The following TSHZ2 variants were observed in gnomAD, a reference collection of about 807,000 sequenced individuals.
TSHZ2 encodes the protein teashirt homolog 2.
TSHZ2 carries 21 observed loss-of-function variants against 74.4 expected under a neutral mutation model. The observed-to-expected ratio is 0.28, with a 90% confidence interval of 0.20 to 0.41. The LOEUF (loss-of-function observed/expected upper bound fraction) is 0.41, where lower values mean the gene tolerates loss of function less well. Among genes scored for constraint, TSHZ2 ranks in the 10% least tolerant of loss-of-function variants. TSHZ2 has a pLI of 1.00. For synonymous variants in TSHZ2, 540 were observed against 515.3 expected (o/e 1.05, Z -0.65); for missense variants, 1,244 against 1,293.5 (o/e 0.96, Z 0.59).
At chr20:53,149,738 A>G (rs1315390048) in intron 1 of TSHZ2, among the ~76,000 whole-genome samples, 1 of 152,182 alleles carries the variant, frequency 6.6e-6, no homozygotes, top group Non-Finnish European at 1.5e-5. Flanking sequence ...GAGGCAGGAA[A>G]ACCTATTTGA....
chr20:53,298,870 G>A (rs886438993), intron 2 of TSHZ2, among the ~76,000 whole-genome samples: 3 of 152,176 alleles, frequency 2.0e-5, no homozygotes, highest in Admixed American at 2.0e-4. Context: ...CCTGATAACT[G>A]TGCAAAACTT....
At position 53,173,238 on chromosome 20, in the gene TSHZ2, T is replaced by C. The variant is rs949836278; in HGVS notation, c.41-80261T>C. Among the ~76,000 whole-genome samples, 6 of 152,318 alleles carry C rather than the reference T, an allele frequency of 3.9e-5. No individual in the cohort carries two copies. The East Asian group carries it at 9.6e-4, about 24-fold the overall frequency. On this transcript the variant is annotated intron_variant, in intron 1 of 2. Transcript: ENST00000371497. ...GTAGATTAAAATAAAAATCACCAAA[T>C]TGTCCATCCATAAAGGATTGGCCAA... is the stretch of plus-strand genomic sequence containing the variant.
intron 2 of TSHZ2, among the ~76,000 whole-genome samples, chr20:53,386,485 A>T (rs907791847): frequency 6.6e-6 from 1 of 152,200 alleles, no homozygotes; most frequent in African/African-American, 2.4e-5. Context: ...AGCTGGCACT[A>T]ATGATCCTAT....
intron 2 of TSHZ2, chr20:53,398,614 G>C (rs902414901): frequency 6.6e-6 from 1 of 152,170 alleles, no homozygotes; most frequent in Non-Finnish European, 1.5e-5. Flanking sequence ...ATTAGCCAGT[G>C]TGATGGTGCA....
intron 2 of TSHZ2, among the ~76,000 whole-genome samples, chr20:53,484,058 T>C (rs1478005820): frequency 6.6e-6 from 1 of 152,228 alleles, no homozygotes; most frequent in Admixed American, 6.5e-5. Context: ...GTCCACCAAT[T>C]TGTGGTCTCC....
chr20:53,413,271 G>A (rs1296484500), intron 2 of TSHZ2, among the ~76,000 whole-genome samples: 1 of 152,238 alleles, frequency 6.6e-6, no homozygotes, highest in East Asian at 1.9e-4. Context: ...AGGCCAGGTG[G>A]AGGGATTTCA....
At chr20:53,323,563 CTTTTTTTTT>C (rs34687825) in intron 2 of TSHZ2, among the ~76,000 whole-genome samples, 12 of 36,672 alleles carry the variant, frequency 3.3e-4, no homozygotes, top group East Asian at 9.9e-4. Flanking sequence ...CCTTGGAGGG[CTTTTTTTTT>C]TTTTTTTTTT....
chr20:53,000,809 C>T (rs1265977505), intron 1 of TSHZ2, among the ~76,000 whole-genome samples: 2 of 152,122 alleles, frequency 1.3e-5, no homozygotes, highest in Admixed American at 1.3e-4. Context: ...ACTTTTTGAT[C>T]TCTTGAGGTC....
chr20:53,219,721 A>G (rs569821296), intron 1 of TSHZ2, among the ~76,000 whole-genome samples: 3 of 152,356 alleles, frequency 2.0e-5, no homozygotes, highest in East Asian at 1.9e-4. Context: ...AGCCAATTAT[A>G]TACATGGAAG....
At chr20:53,089,129 T>C (rs1304679177) in intron 1 of TSHZ2, among the ~76,000 whole-genome samples, 2 of 151,554 alleles carry the variant, frequency 1.3e-5, no homozygotes, top group Non-Finnish European at 2.9e-5. Flanking sequence ...CTCCCCATTA[T>C]GTTCAACAGC....
chr20:53,417,543 G>A (rs1236695307), intron 2 of TSHZ2, among the ~76,000 whole-genome samples: 1 of 151,978 alleles, frequency 6.6e-6, no homozygotes, highest in Non-Finnish European at 1.5e-5. Context: ...GTAATCTGCC[G>A]GCCTTGGCCT....
At chr20:53,001,158 G>C (rs528145025) in intron 1 of TSHZ2, among the ~76,000 whole-genome samples, 68 of 151,246 alleles carry the variant, frequency 4.5e-4, no homozygotes, top group Admixed American at 2.6e-3. Flanking sequence ...ACCCCAGAGA[G>C]ACCCGGTCTG....
chr20:53,358,596 C>T (rs566095336), intron 2 of TSHZ2, among the ~76,000 whole-genome samples: 29 of 152,100 alleles, frequency 1.9e-4, no homozygotes, highest in Non-Finnish European at 3.4e-4. Context: ...CAACCCACCC[C>T]GGCCTCCCAA....
intron 1 of TSHZ2, among the ~76,000 whole-genome samples, chr20:53,223,709 A>G (rs1989616208): frequency 6.6e-6 from 1 of 152,168 alleles, no homozygotes; most frequent in Admixed American, 6.5e-5. Flanking sequence ...CTCCATTTCT[A>G]TCACATTCTT....
chr20:53,157,450 A>C (rs1987823356), intron 1 of TSHZ2, among the ~76,000 whole-genome samples: 1 of 144,562 alleles, frequency 6.9e-6, no homozygotes, highest in South Asian at 2.2e-4. Flanking sequence ...TCTGTTGTCC[A>C]GGCTGGAGTG....
intron 2 of TSHZ2, among the ~76,000 whole-genome samples, chr20:53,441,690 T>G (rs901402327): frequency 7.9e-6 from 1 of 126,530 alleles, no homozygotes; most frequent in African/African-American, 3.7e-5. Context: ...TCAAGCAATT[T>G]TTGTGCCTCA....
At chr20:53,261,880 T>C (rs991785876) in intron 2 of TSHZ2, among the ~76,000 whole-genome samples, 1 of 152,210 alleles carries the variant, frequency 6.6e-6, no homozygotes, top group Non-Finnish European at 1.5e-5. Flanking sequence ...ATTCTTCAGC[T>C]AAATTAAAAA....
chr20:53,166,371 A>G (rs899418312), intron 1 of TSHZ2, among the ~76,000 whole-genome samples: 4 of 152,112 alleles, frequency 2.6e-5, no homozygotes, highest in African/African-American at 9.7e-5. Context: ...TAATCCCAAC[A>G]CTCTGGAAGG....
intron 2 of TSHZ2, among the ~76,000 whole-genome samples, chr20:53,437,599 C>T (rs569746222): frequency 1.8e-4 from 27 of 152,334 alleles, no homozygotes; most frequent in African/African-American, 5.8e-4. Flanking sequence ...AGATCCAGTG[C>T]TTAAGTGGTG....
Sources: allele counts gnomAD v4.1 joint callset (sites outside exome capture counted in the v4.1 genomes callset), GRCh38; gene constraint gnomAD v4.1.1; transcripts MANE v1.5; gene names NCBI Gene and HGNC (gene_info 2026-07-23, HGNC 2026-07-21).